Variants in STAT2 observed in about 807,000 individuals in gnomAD.
STAT2 encodes signal transducer and activator of transcription 2, also known as interferon alpha induced transcriptional activator.
STAT2 carries 51 observed loss-of-function variants against 122.3 expected under a neutral mutation model. The ratio of observed to expected loss-of-function variants is 0.42; its 90% CI spans 0.33 to 0.53. The LOEUF is 0.53. Ranked by LOEUF, STAT2 falls within the 20% of genes least tolerant of loss-of-function variation. The pLI, the probability that STAT2 is intolerant of heterozygous loss-of-function variation, is 0.10. For missense variants in STAT2, 736 were observed against 1,010.3 expected (o/e 0.73, Z 3.68); for synonymous variants, 351 against 394.9 (o/e 0.89, Z 1.32).
intron 8 of STAT2, among the ~76,000 whole-genome samples, chr12:56,353,995 C>CAAAAAAAAAAA (rs1187550270): frequency 2.3e-4 from 3 of 12,772 alleles, no homozygotes; most frequent in African/African-American, 1.0e-3. Flanking sequence ...GACTCCGTCT[C>CAAAAAAAAAAA]AAAAAAAAAA....
chr12:56,360,093 C>T lies in STAT2; in HGVS notation c.-43G>A. ...TTGCAGTCCCCGCGCCCTCCAATGG[C>T]TCTGGTCGCGACTTCCCGTCCCTAG... On this transcript the variant is annotated 5_prime_UTR_variant, in exon 1 of 24. Transcript: ENST00000314128. 1.0e-6 allele frequency: 1 copy of T among 985,444 alleles called. No individual in the cohort carries two copies. The highest frequency in any genetic ancestry group is 1.2e-6 in the Non-Finnish European group (1 of 829,978). The allele number at this position is 985,444 out of a possible 1,614,324, so 61.0% of individuals were successfully genotyped here. A position where few individuals can be genotyped will look rare whatever the true frequency, so the allele number is the denominator to read the frequency against.
rs1880157708 is a variant in STAT2 at position 56,360,105 on chromosome 12, C to A, written c.-55G>T. 3.0e-6 allele frequency: 3 copies of A among 985,456 alleles called. No homozygotes were observed. The South Asian group carries it at 1.4e-4, about 46-fold the overall frequency. The allele number at this position is 985,456 out of a possible 1,614,324, so 61.0% of individuals were successfully genotyped here. A position where few individuals can be genotyped will look rare whatever the true frequency, so the allele number is the denominator to read the frequency against. On this transcript the variant is annotated 5_prime_UTR_variant, in exon 1 of 24. Transcript: ENST00000314128. ...CGCCCTCCAATGGCTCTGGTCGCGA[C>A]TTCCCGTCCCTAGTATGAGCTCGGG...
intron 6 of STAT2, 97 bp downstream of exon 6, chr12:56,355,178 CA>C: frequency 7.1e-7 from 1 of 1,404,162 alleles, no homozygotes; most frequent in Non-Finnish European, 1.0e-6. Context: ...GTGTGTCTGA[CA>C]GTGACTACTG....
intron 9 of STAT2, 26 bp downstream of exon 9, chr12:56,351,266 C>G (rs1177972961): frequency 2.5e-6 from 4 of 1,612,528 alleles, no homozygotes; most frequent in African/African-American, 1.3e-5. Context: ...CTTCTTTCCC[C>G]CAGGGTTCCT....
chr12:56,346,223 G>A lies in STAT2; in HGVS notation c.2045-20C>T, dbSNP rs1877433660. 6.2e-7 allele frequency: 1 copy of A among 1,613,342 alleles called. No individual in the cohort carries two copies. On this transcript the variant is annotated intron_variant, in intron 21 of 23. Transcript: ENST00000314128. ...GATTAACTGTGAGGAACATATACAA[G>A]AAGCAGAGAAGATCAGTGGGCCAGA...
chr12:56,349,528 T>C lies in STAT2; in HGVS notation c.1258-19A>G, dbSNP rs372974784. 36 of 1,614,106 alleles carry C rather than the reference T, an allele frequency of 2.2e-5. No individual in the cohort carries two copies. In the African/African-American group the frequency reaches 2.8e-4, roughly 13 times the overall value. Reference sequence around the variant, plus strand: ...GTGGCCCCTGGGACAGCCAAAGACATAGTCATCAGAAGGCTCTTTGGCAAG... The same window carrying C: ...GTGGCCCCTGGGACAGCCAAAGACACAGTCATCAGAAGGCTCTTTGGCAAG... On this transcript the variant is annotated intron_variant, in intron 14 of 23. Coordinates refer to ENST00000314128, the MANE Select transcript of STAT2 (RefSeq NM_005419.4).
In STAT2 at chr12:56,357,241, T is replaced by C. The variant is rs934502633; in HGVS notation, c.-7-663A>G. ...TTTTAGTAGAGATGGGGTTTTGCCATGTTGGCCAGGCTGGTCTCAAACTCC... is the reference window on the plus strand; with the variant it reads ...TTTTAGTAGAGATGGGGTTTTGCCACGTTGGCCAGGCTGGTCTCAAACTCC... On this transcript the variant is annotated intron_variant, in intron 1 of 23. Transcript: ENST00000314128. 1.3e-4 allele frequency among the ~76,000 whole-genome samples: 20 copies of C among 151,868 alleles called. 1 individual carries two copies. The highest frequency in any genetic ancestry group is 7.2e-4 in the Admixed American group (11 of 15,228).
rs1194953634 is a variant in STAT2 at position 56,345,495 on chromosome 12, CAAAAAAAAAAAAA to C, written c.2102+638_2102+650del. 1.1e-3 allele frequency among the ~76,000 whole-genome samples: 5 copies of C among 4,584 alleles called. No individual in the cohort carries two copies. The East Asian group carries it at 0.054, about 50-fold the overall frequency. The allele number at this position is 4,584 out of a possible 152,430, so 3.0% of individuals were successfully genotyped here. A position where few individuals can be genotyped will look rare whatever the true frequency, so the allele number is the denominator to read the frequency against. On this transcript the variant is annotated intron_variant, in intron 22 of 23. Coordinates refer to ENST00000314128, the MANE Select transcript of STAT2 (RefSeq NM_005419.4). The stretch of plus-strand genomic sequence containing the variant: ...AGCCTGGATAACAGAGACCCTGTCT[CAAAAAAAAAAAAA>C]AAAAAAAAAAAAAAAAATATATATA...
Position 56,343,510 on chromosome 12 carries a change from A to G in STAT2, c.2435T>C (p.Ile812Thr). The G allele has an allele frequency of 1.2e-6, 2 of 1,614,126 alleles. No individual in the cohort carries two copies. Among genetic ancestry groups the G allele is most frequent in the Non-Finnish European group, 1.7e-6 (2 of 1,180,016 alleles). The change falls in exon 24 of 24, where the codon ATT (isoleucine) becomes ACT (threonine). Residue 812 changes from isoleucine (I) to threonine (T), a missense_variant. Coordinates refer to ENST00000314128, the MANE Select transcript of STAT2 (RefSeq NM_005419.4). ...GTCACCATTCGGCATGATTTCTTCA[A>G]TCTTTACACAGTTTCTGAAGACTAG... ...PMEIFRNCVK[I>T]EEIMPNGDPL...
chr12:56,343,835 C>T lies in STAT2; in HGVS notation c.2403G>A (p.Glu801=), dbSNP rs376647660. Residue 801 remains glutamate (E), a synonymous_variant, in exon 23 of 24, where the codon GAG becomes GAA. Transcript: ENST00000314128. Reference sequence around the variant, plus strand: ...CATCTCATCACTTACTTTCCATTGGCTCAGTGTTCAAATGTCTCAGATCAC... The same window carrying T: ...CATCTCATCACTTACTTTCCATTGGTTCAGTGTTCAAATGTCTCAGATCAC... The part of the protein sequence containing the change: ...LPCDLRHLNT[E]PMEIFRNCVK... 4.3e-5 allele frequency: 69 copies of T among 1,614,142 alleles called. No homozygotes were observed. The Middle Eastern group carries it at 9.9e-4, about 23-fold the overall frequency.
chr12:56,343,665 G>A, intron 23 of STAT2, 134 bp from the exon 24 acceptor site: 1 of 1,518,574 alleles, frequency 6.6e-7, no homozygotes. Context: ...AAAGAGCAGG[G>A]AGGTGGGGGA....
chr12:56,346,170 T>C lies in STAT2; in HGVS notation c.2078A>G (p.His693Arg). ...NLQERRKYLK[H>R]RLIVVSNRQV... ...CCTATTAGAGACCACAATGAGCCTG[T>C]GTTTCAGGTATTTCCTCCGTTCCTG... is the stretch of plus-strand genomic sequence containing the variant. The change falls in exon 22 of 24, where the codon CAC (histidine) becomes CGC (arginine). Residue 693 changes from histidine to arginine, a missense_variant. Coordinates refer to ENST00000314128, the MANE Select transcript of STAT2 (RefSeq NM_005419.4). 1 of 1,614,182 alleles carries C rather than the reference T, an allele frequency of 6.2e-7. No individual in the cohort carries two copies. The highest frequency in any genetic ancestry group is 1.3e-5 in the African/African-American group (1 of 75,044).
chr12:56,355,190 C>T, intron 6 of STAT2, 86 bp downstream of exon 6: 1 of 1,486,364 alleles, frequency 6.7e-7, no homozygotes, highest in Admixed American at 1.7e-5. Context: ...GTGACTACTG[C>T]TCATCGGAGC....
chr12:56,350,515 C>A, intron 11 of STAT2, 83 bp from the exon 12 acceptor site: 1 of 1,313,652 alleles, frequency 7.6e-7, no homozygotes, highest in Non-Finnish European at 1.0e-6. Flanking sequence ...AGACAGACCT[C>A]GGTTCAAACC....
At position 56,349,481 on chromosome 12, in the gene STAT2, T is replaced by C. The variant is rs758792273; in HGVS notation, c.1286A>G (p.His429Arg). The change falls in exon 15 of 24, where the codon CAC (histidine) becomes CGC (arginine). Residue 429 changes from histidine to arginine, a missense_variant. Transcript: ENST00000314128. ...ATATTTGACCGTGAAGCTGATGATGTGCAGTTCCTCTGTCACACCTAGTGG... is the reference window on the plus strand; with the variant it reads ...ATATTTGACCGTGAAGCTGATGATGCGCAGTTCCTCTGTCACACCTAGTGG... ...KGPLGVTEELHIISFTVKYTY... is the reference protein window; with the variant it reads ...KGPLGVTEELRIISFTVKYTY... The C allele has an allele frequency of 1.9e-6, 3 of 1,614,236 alleles. No homozygotes were observed. Among genetic ancestry groups the C allele is most frequent in the Admixed American group, 1.7e-5 (1 of 60,018 alleles).
At chr12:56,350,307 A>C (rs4759016) in intron 12 of STAT2, 105 bp downstream of exon 12, 67,312 of 1,449,170 alleles carry the variant, frequency 0.046, 1,759 homozygotes, top group South Asian at 0.075. Flanking sequence ...CTTTGTCCAT[A>C]TCCCAAATCC....
intron 21 of STAT2, 53 bp from the exon 22 acceptor site, chr12:56,346,256 C>G: frequency 6.2e-7 from 1 of 1,607,174 alleles, no homozygotes; most frequent in South Asian, 1.1e-5. Flanking sequence ...AGACATATAG[C>G]CTGAGGTTCC....
intron 1 of STAT2, among the ~76,000 whole-genome samples, chr12:56,358,135 G>T (rs1879798410): frequency 6.6e-6 from 1 of 151,610 alleles, no homozygotes; most frequent in Non-Finnish European, 1.5e-5. Context: ...GCATTTATGT[G>T]TGTGTTTGTT....
Position 56,343,461 on chromosome 12 carries a change from G to A in STAT2, c.2484C>T (p.Thr828=), listed in dbSNP as rs748180712. The A allele has an allele frequency of 1.5e-5, 24 of 1,614,030 alleles. No individual in the cohort carries two copies. Among genetic ancestry groups the A allele is most frequent in the East Asian group, 2.2e-5 (1 of 44,898 alleles). ...GGCGGGAGACGTAAACCTCATCCAC[G>A]GTGTTCTGGCCAGCCAACAGTGGGT... ...NGDPLLAGQN[T]VDEVYVSRPS... The change falls in exon 24 of 24, where the codon ACC becomes ACT. Residue 828 remains threonine (T), a synonymous_variant. Transcript: ENST00000314128.
Sources: allele counts gnomAD v4.1 joint callset (sites outside exome capture counted in the v4.1 genomes callset), GRCh38; gene constraint gnomAD v4.1.1; transcripts MANE v1.5; gene names NCBI Gene and HGNC (gene_info 2026-07-23, HGNC 2026-07-21).